The following ALDH1A2 variants were observed in gnomAD, a reference collection of about 807,000 sequenced individuals.
ALDH1A2 encodes the protein retinal dehydrogenase 2.
ALDH1A2 carries 27 observed loss-of-function variants against 60.3 expected under a neutral mutation model. The observed-to-expected ratio is 0.45, with a 90% confidence interval of 0.33 to 0.62. ALDH1A2 has a LOEUF of 0.62. ALDH1A2 is among the 20% of genes least tolerant of loss of function. The pLI is 0.02. For synonymous variants in ALDH1A2, 289 were observed against 232.4 expected (o/e 1.24, Z -2.21); for missense variants, 581 against 643.8 (o/e 0.90, Z 1.06).
rs182100472 is a variant in ALDH1A2, at chr15:58,053,856, T to A, written c.117+11678A>T. ...CACTCAGTACAAATACCTATCAGCA[T>A]GGAGAAACATGGAAGAGCAATTACA... On this transcript the variant is annotated intron_variant, in intron 1 of 12. Transcript: ENST00000249750. 2.6e-5 allele frequency among the ~76,000 whole-genome samples: 4 copies of A among 152,254 alleles called. No homozygotes were observed. In the East Asian group the frequency reaches 7.7e-4, roughly 29 times the overall value.
chr15:58,045,383 C>G (rs1365296582), intron 1 of ALDH1A2, among the ~76,000 whole-genome samples: 1 of 152,040 alleles, frequency 6.6e-6, no homozygotes, highest in Non-Finnish European at 1.5e-5. Flanking sequence ...ACCCAGTGAT[C>G]CCATTACTGG....
intron 12 of ALDH1A2, among the ~76,000 whole-genome samples, chr15:57,957,784 CAAGT>C (rs201886284): frequency 8.5e-5 from 13 of 152,276 alleles, no homozygotes; most frequent in Admixed American, 2.0e-4. Context: ...GCTCATAAAA[CAAGT>C]AAGAGTTTCT....
intron 7 of ALDH1A2, among the ~76,000 whole-genome samples, chr15:57,984,566 T>G (rs1402605774): frequency 1.3e-5 from 2 of 152,200 alleles, no homozygotes. Flanking sequence ...TAATCAACTT[T>G]CTGTTTATAG....
chr15:58,056,715 C>G (rs1173882021), intron 1 of ALDH1A2, among the ~76,000 whole-genome samples: 1 of 151,994 alleles, frequency 6.6e-6, no homozygotes, highest in Non-Finnish European at 1.5e-5. Flanking sequence ...AGTAAATACA[C>G]AACATAGAAA....
chr15:58,030,067 T>C (rs760530967), intron 1 of ALDH1A2, among the ~76,000 whole-genome samples: 46 of 152,102 alleles, frequency 3.0e-4, no homozygotes, highest in Non-Finnish European at 5.7e-4. Context: ...GATACCAAAG[T>C]CTGGCAGAGA....
chr15:58,003,385 T>C (rs1442065330), intron 4 of ALDH1A2, among the ~76,000 whole-genome samples: 1 of 151,892 alleles, frequency 6.6e-6, no homozygotes, highest in African/African-American at 2.4e-5. Context: ...TCAAGCTGAT[T>C]CAAGGCAAAA....
intron 7 of ALDH1A2, chr15:57,980,421 T>G: frequency 2.8e-6 from 1 of 359,774 alleles, no homozygotes; most frequent in Non-Finnish European, 5.6e-6. Flanking sequence ...ATGGAGTGGT[T>G]GATCTTGGGG....
At chr15:57,978,707 C>T (rs1013229341) in intron 7 of ALDH1A2, among the ~76,000 whole-genome samples, 2 of 152,104 alleles carry the variant, frequency 1.3e-5, no homozygotes, top group Admixed American at 1.3e-4. Context: ...TATAGCTGGT[C>T]AGGCCCAGAA....
At chr15:57,969,033 C>T (rs1893981432) in intron 7 of ALDH1A2, among the ~76,000 whole-genome samples, 1 of 152,194 alleles carries the variant, frequency 6.6e-6, no homozygotes, top group Non-Finnish European at 1.5e-5. Context: ...TGAATGATAC[C>T]TTTCCCCTTC....
intron 1 of ALDH1A2, among the ~76,000 whole-genome samples, chr15:58,031,644 C>T (rs2140541308): frequency 6.6e-6 from 1 of 152,132 alleles, no homozygotes; most frequent in East Asian, 1.9e-4. Context: ...CCAGAATCTA[C>T]AAAGAACTTA....
intron 1 of ALDH1A2, among the ~76,000 whole-genome samples, chr15:58,051,800 T>C (rs1240163821): frequency 6.6e-6 from 1 of 152,170 alleles, no homozygotes; most frequent in Non-Finnish European, 1.5e-5. Flanking sequence ...GCAGTGGCAC[T>C]GACCTGCAAA....
At chr15:58,055,266 G>A (rs1449158441) in intron 1 of ALDH1A2, among the ~76,000 whole-genome samples, 1 of 151,916 alleles carries the variant, frequency 6.6e-6, no homozygotes, top group African/African-American at 2.4e-5. Context: ...TATCCACATC[G>A]TAGTGTTGCC....
intron 1 of ALDH1A2, among the ~76,000 whole-genome samples, chr15:58,057,330 G>A: frequency 6.8e-6 from 1 of 147,744 alleles, no homozygotes; most frequent in East Asian, 2.0e-4. Flanking sequence ...ATATATATAT[G>A]GTACATATAT....
intron 1 of ALDH1A2, among the ~76,000 whole-genome samples, chr15:58,023,861 G>A (rs1896000128): frequency 6.6e-6 from 1 of 152,160 alleles, no homozygotes; most frequent in South Asian, 2.1e-4. Flanking sequence ...GGAGGCCGAG[G>A]TGGGTGGAGC....
At chr15:58,035,661 T>G (rs1297309655) in intron 1 of ALDH1A2, among the ~76,000 whole-genome samples, 1 of 151,768 alleles carries the variant, frequency 6.6e-6, no homozygotes, top group Admixed American at 6.6e-5. Context: ...AGACTTACTC[T>G]TTAACTCATG....
chr15:58,046,510 C>T (rs973601431), intron 1 of ALDH1A2, among the ~76,000 whole-genome samples: 7 of 151,960 alleles, frequency 4.6e-5, no homozygotes, highest in Admixed American at 2.6e-4. Flanking sequence ...CATAGAACAA[C>T]CTAGAATGGG....
chr15:57,961,323 G>T (rs1566928680), intron 10 of ALDH1A2, 29 bp from the exon 11 acceptor site: 2 of 1,611,080 alleles, frequency 1.2e-6, no homozygotes, highest in Non-Finnish European at 1.7e-6. Flanking sequence ...ACTCAACATG[G>T]TTGCTCTGTC....
chr15:58,004,299 T>C (rs1895373163), intron 4 of ALDH1A2, among the ~76,000 whole-genome samples: 2 of 151,880 alleles, frequency 1.3e-5, no homozygotes, highest in Admixed American at 1.3e-4. Context: ...GATTATCCAT[T>C]TGTAGTCAAA....
At chr15:58,020,684 T>G (rs1048845388) in intron 1 of ALDH1A2, among the ~76,000 whole-genome samples, 4 of 152,168 alleles carry the variant, frequency 2.6e-5, no homozygotes, top group Non-Finnish European at 5.9e-5. Context: ...TATTTTTAAT[T>G]TATTTATTCT....
Sources: gnomAD v4.1 joint callset for allele counts (sites outside exome capture counted in the v4.1 genomes callset) on GRCh38, gnomAD v4.1.1 for gene constraint, MANE v1.5 for transcripts, NCBI Gene and HGNC (gene_info 2026-07-23, HGNC 2026-07-21) for gene names.